The following FGFR2 variants were observed in gnomAD, a reference collection of about 807,000 sequenced individuals.
FGFR2 encodes BEK fibroblast growth factor receptor.
In FGFR2, 19 loss-of-function variants were observed where a neutral mutation model predicts 95.9. The ratio of observed to expected loss-of-function variants is 0.20; its 90% CI spans 0.14 to 0.29. The LOEUF (loss-of-function observed/expected upper bound fraction) is 0.29. Among genes scored for constraint, FGFR2 ranks in the 10% least tolerant of loss-of-function variants. FGFR2 has a pLI of 1.00. For missense variants in FGFR2, 707 were observed against 1,056.9 expected (o/e 0.67, Z 4.59); for synonymous variants, 392 against 393.3 (o/e 1.00, Z 0.04).
intron 6 of FGFR2, among the ~76,000 whole-genome samples, chr10:121,536,173 T>G (rs952643628): frequency 1.3e-5 from 2 of 152,238 alleles, no homozygotes; most frequent in African/African-American, 2.4e-5. Context: ...TCAGAATGAC[T>G]GCCAACCCTG....
At chr10:121,567,533 G>T (rs997497390) in intron 2 of FGFR2, among the ~76,000 whole-genome samples, 15 of 152,212 alleles carry the variant, frequency 9.9e-5, no homozygotes, top group African/African-American at 3.6e-4. Flanking sequence ...ACAAGATAAA[G>T]ACCCTGCACT....
At chr10:121,573,035 C>T (rs886602788) in intron 2 of FGFR2, among the ~76,000 whole-genome samples, 1 of 152,232 alleles carries the variant, frequency 6.6e-6, no homozygotes, top group Non-Finnish European at 1.5e-5. Context: ...TGTCTTGAGA[C>T]AGTTGAAACA....
At chr10:121,547,768 T>G (rs1470074894) in intron 5 of FGFR2, among the ~76,000 whole-genome samples, 2 of 152,052 alleles carry the variant, frequency 1.3e-5, no homozygotes, top group African/African-American at 4.8e-5. Flanking sequence ...GGGACCATTC[T>G]CCCCAAAGTC....
intron 9 of FGFR2, among the ~76,000 whole-genome samples, chr10:121,506,091 C>A (rs1017703887): frequency 3.9e-5 from 6 of 152,052 alleles, no homozygotes; most frequent in African/African-American, 7.2e-5. Flanking sequence ...GGCGCGGTGG[C>A]TCACGCCGTA....
chr10:121,574,895 C>G (rs11200013), intron 2 of FGFR2, among the ~76,000 whole-genome samples: 1 of 152,198 alleles, frequency 6.6e-6, no homozygotes, highest in African/African-American at 2.4e-5. Context: ...CAGATAAGTA[C>G]GCAGGATGAA....
Position 121,594,489 on chromosome 10 carries a change from G to A in FGFR2, c.-150-522C>T, listed in dbSNP as rs3135717. 0.042 allele frequency among the ~76,000 whole-genome samples: 6,467 copies of A among 152,258 alleles called. 181 individuals are homozygous for A. The highest frequency in any genetic ancestry group is 0.092 in the African/African-American group (3,819 of 41,536). On this transcript the variant is annotated intron_variant, in intron 1 of 17. Transcript: ENST00000358487. ...TGAGCAGTCTCCCACCCTCACTGTCGCTCTTGGGAAGAAAGGAGACCAGCA... is the reference window on the plus strand; with the variant it reads ...TGAGCAGTCTCCCACCCTCACTGTCACTCTTGGGAAGAAAGGAGACCAGCA...
chr10:121,507,238 T>C (rs2134114789), intron 9 of FGFR2, among the ~76,000 whole-genome samples: 1 of 152,362 alleles, frequency 6.6e-6, no homozygotes, highest in South Asian at 2.1e-4. Context: ...TCACTCACTG[T>C]GTGAGCTTTG....
chr10:121,491,996 T>C (rs1467688317), intron 13 of FGFR2, among the ~76,000 whole-genome samples: 4 of 151,174 alleles, frequency 2.6e-5, no homozygotes, highest in East Asian at 2.0e-4. Context: ...CTGGCCAACA[T>C]GGTATGGTAA....
intron 12 of FGFR2, among the ~76,000 whole-genome samples, chr10:121,497,456 T>G (rs1460748759): frequency 6.6e-6 from 1 of 152,236 alleles, no homozygotes; most frequent in Admixed American, 6.5e-5. Context: ...ACATTATCCT[T>G]TTGGAACCTG....
rs1180510648 is a variant in FGFR2 at position 121,598,196 on chromosome 10, A to C, written c.-385T>G. 1 of 397,716 alleles carries C rather than the reference A, an allele frequency of 2.5e-6. No homozygotes were observed. Among genetic ancestry groups the C allele is most frequent in the Non-Finnish European group, 4.4e-6 (1 of 225,568 alleles). The allele number at this position is 397,716 out of a possible 1,614,324, so 24.6% of individuals were successfully genotyped here. A position where few individuals can be genotyped will look rare whatever the true frequency, so the allele number is the denominator to read the frequency against. On this transcript the variant is annotated 5_prime_UTR_variant, in exon 1 of 18. Coordinates refer to ENST00000358487, the MANE Select transcript of FGFR2 (RefSeq NM_000141.5). ...ATTTGGGGAACGAGAGGAAGAAAGGACTCAGGCTTGGCGTTGCCTCCACCA... is the reference window on the plus strand; with the variant it reads ...ATTTGGGGAACGAGAGGAAGAAAGGCCTCAGGCTTGGCGTTGCCTCCACCA...
chr10:121,485,499 G>A lies in FGFR2; in HGVS notation c.2091C>T (p.Phe697=), dbSNP rs951005591. Residue 697 remains phenylalanine, a synonymous_variant, in exon 16 of 18, where the codon TTC becomes TTT. Transcript: ENST00000358487. The surrounding 1 kb of genome is among the most constrained non-coding windows in gnomAD (Gnocchi z 4.2). ...WSFGVLMWEI[F]TLGGSPYPGI... ...CTGGGTAGGGCGAGCCCCCTAAAGTGAAGATCTCCCACATTAACACCCCGA... is the reference window on the plus strand; with the variant it reads ...CTGGGTAGGGCGAGCCCCCTAAAGTAAAGATCTCCCACATTAACACCCCGA... 3.1e-6 allele frequency: 5 copies of A among 1,614,088 alleles called. No individual in the cohort carries two copies. Among genetic ancestry groups the A allele is most frequent in the Non-Finnish European group, 3.4e-6 (4 of 1,180,010 alleles).
At chr10:121,493,083 C>T (rs1318085165) in intron 13 of FGFR2, among the ~76,000 whole-genome samples, 3 of 152,118 alleles carry the variant, frequency 2.0e-5, no homozygotes, top group Non-Finnish European at 4.4e-5. Context: ...TGGTCTCAAA[C>T]CATTCATGCT....
chr10:121,485,619 T>G lies in FGFR2; in HGVS notation c.2058-87A>C. The G allele has an allele frequency of 6.3e-7, 1 of 1,579,736 alleles. No homozygotes were observed. The highest frequency in any genetic ancestry group is 1.1e-5 in the South Asian group (1 of 89,310). On this transcript the variant is annotated intron_variant, in intron 15 of 17. Coordinates refer to ENST00000358487, the MANE Select transcript of FGFR2 (RefSeq NM_000141.5). The surrounding 1 kb of genome is among the most constrained non-coding windows in gnomAD (Gnocchi z 4.2). ...GCCCAGCTGAGACATAAACACCTCC[T>G]CACTTCTGAAGTTCAAAGACAAATG... is the stretch of plus-strand genomic sequence containing the variant.
intron 9 of FGFR2, 106 bp from the exon 10 acceptor site, chr10:121,504,047 T>G: frequency 7.1e-7 from 1 of 1,399,182 alleles, no homozygotes; most frequent in Non-Finnish European, 9.9e-7. Context: ...AGGAATGGGT[T>G]GGGGGCTGGC....
intron 6 of FGFR2, among the ~76,000 whole-genome samples, chr10:121,525,834 G>A (rs910845370): frequency 9.2e-5 from 14 of 152,134 alleles, no homozygotes; most frequent in Non-Finnish European, 1.8e-4. Context: ...TACAGGCTCA[G>A]TAAACATGCA....
intron 13 of FGFR2, among the ~76,000 whole-genome samples, chr10:121,494,945 C>T (rs981048306): frequency 6.6e-6 from 1 of 152,160 alleles, no homozygotes; most frequent in African/African-American, 2.4e-5. Flanking sequence ...AACTGGCCAC[C>T]CTCCCCGACC....
intron 6 of FGFR2, chr10:121,538,366 C>T: frequency 2.5e-6 from 2 of 800,524 alleles, no homozygotes; most frequent in Non-Finnish European, 2.3e-6. Flanking sequence ...ACAGATGACG[C>T]TTGGGAACCA....
rs567400283 is a variant in FGFR2, at chr10:121,521,246, A to G, written c.749-1077T>C. 2.7e-3 allele frequency among the ~76,000 whole-genome samples: 412 copies of G among 152,358 alleles called. 3 individuals are homozygous for G. Among genetic ancestry groups the G allele is most frequent in the African/African-American group, 9.8e-3 (408 of 41,596 alleles). ...TCCTGGCTATGTTTTAGACTGCCCT[A>G]TAAAAGGGCAGAGATGGTATCCCAA... On this transcript the variant is annotated intron_variant, in intron 6 of 17. Coordinates refer to ENST00000358487, the MANE Select transcript of FGFR2 (RefSeq NM_000141.5).
At position 121,531,073 on chromosome 10, in the gene FGFR2, C is replaced by G. The variant is rs1852013092; in HGVS notation, c.748+7519G>C. 6.6e-6 allele frequency among the ~76,000 whole-genome samples: 1 copy of G among 152,196 alleles called. No homozygotes were observed. The highest frequency in any genetic ancestry group is 1.5e-5 in the Non-Finnish European group (1 of 68,036). On this transcript the variant is annotated intron_variant, in intron 6 of 17. Coordinates refer to ENST00000358487, the MANE Select transcript of FGFR2 (RefSeq NM_000141.5). This position sits in a 1 kb window ranked among gnomAD's most constrained non-coding sequence, Gnocchi z 4.5. ...GACCAAATATTAGCCCTCTCTCCAG[C>G]CACCTCACCCAGGCCCCCTGCAAGA...
Sources: allele counts gnomAD v4.1 joint callset (sites outside exome capture counted in the v4.1 genomes callset), GRCh38; gene constraint gnomAD v4.1.1; non-coding constraint Gnocchi (gnomAD v3.1); transcripts MANE v1.5; gene names NCBI Gene and HGNC (gene_info 2026-07-23, HGNC 2026-07-21).